Variants in MAMLD1 observed in about 807,000 individuals in gnomAD.
MAMLD1 encodes mastermind like domain containing 1, also known as mastermind-like domain-containing protein 1.
A neutral mutation model predicts 45.0 loss-of-function variants in MAMLD1; 14 were observed. The ratio of observed to expected loss-of-function variants is 0.31; its 90% confidence interval spans 0.21 to 0.49. The LOEUF is 0.49. Ranked by LOEUF, MAMLD1 falls within the 20% of genes least tolerant of loss-of-function variation. The probability of loss-of-function intolerance (pLI) is 0.99; values close to 1 mark genes in which losing one functional copy is unlikely to be tolerated. For synonymous variants in MAMLD1, 254 were observed against 247.8 expected (o/e 1.02, Z -0.24); for missense variants, 543 against 603.6 (o/e 0.90, Z 1.05).
chrX:150,507,252 C>T (rs1252537285), intron 6 of MAMLD1, among the ~76,000 whole-genome samples: 3 of 112,570 alleles, frequency 2.7e-5, no homozygotes, highest in African/African-American at 6.5e-5. Flanking sequence ...CTTTCAGGCA[C>T]GGTTTCCTCC....
chrX:150,480,701 A>C, intron 5 of MAMLD1, among the ~76,000 whole-genome samples: 1 of 112,438 alleles, frequency 8.9e-6, no homozygotes, highest in Non-Finnish European at 1.9e-5. Context: ...GCTAGGACTC[A>C]CACAGACGAA....
At chrX:150,430,029 T>C (rs1376233060) in intron 1 of MAMLD1, among the ~76,000 whole-genome samples, 2 of 82,704 alleles carry the variant, frequency 2.4e-5, no homozygotes, top group African/African-American at 8.7e-5. Flanking sequence ...CTTTTTTTTT[T>C]TTTTTTTTTT....
intron 1 of MAMLD1, among the ~76,000 whole-genome samples, chrX:150,442,049 A>ATTT (rs781870032): frequency 1.0e-5 from 1 of 95,559 alleles, no homozygotes; most frequent in African/African-American, 3.8e-5. Context: ...TGTCGCTGGT[A>ATTT]TTTTTTTTTT....
intron 5 of MAMLD1, among the ~76,000 whole-genome samples, chrX:150,489,796 A>G (rs2037122779): frequency 9.0e-6 from 1 of 110,546 alleles, no homozygotes; most frequent in Non-Finnish European, 1.9e-5. Flanking sequence ...TAGACATTCA[A>G]GGAATGTACT....
At chrX:150,478,974 T>A (rs6627558) in intron 5 of MAMLD1, among the ~76,000 whole-genome samples, 12,358 of 111,496 alleles carry the variant, frequency 0.11, 638 homozygotes, top group Non-Finnish European at 0.15. Context: ...TGTTTTAACC[T>A]CTCTAAATTG....
chrX:150,393,757 C>G (rs1220572190), intron 1 of MAMLD1, among the ~76,000 whole-genome samples: 1 of 111,949 alleles, frequency 8.9e-6, no homozygotes, highest in Non-Finnish European at 1.9e-5. Flanking sequence ...TCTGTTCAAG[C>G]CTTTGGCCCA....
chrX:150,500,115 G>A lies in MAMLD1; in HGVS notation c.2041-3159G>A, dbSNP rs782444562. ...AGGGATTTAGAGATGATTAAGACTT[G>A]GCCCAGCAAGAATGTTCAGTCAGCC... On this transcript the variant is annotated intron_variant, in intron 5 of 7. Transcript: ENST00000370401. Among the ~76,000 whole-genome samples, 4 of 112,133 alleles carry A rather than the reference G, an allele frequency of 3.6e-5. No homozygotes were observed. In the Admixed American group the frequency reaches 3.8e-4, roughly 11 times the overall value.
intron 6 of MAMLD1, among the ~76,000 whole-genome samples, chrX:150,508,972 G>C (rs1157654648): frequency 9.0e-6 from 1 of 111,654 alleles, no homozygotes; most frequent in Non-Finnish European, 1.9e-5. Context: ...AACTGGCTGA[G>C]GGTCTCAGAG....
intron 1 of MAMLD1, among the ~76,000 whole-genome samples, chrX:150,411,598 G>A (rs987058389): frequency 4.5e-5 from 5 of 112,019 alleles, no homozygotes; most frequent in Admixed American, 3.8e-4. Context: ...AGCTGAGGCC[G>A]CTTTAATGAA....
At chrX:150,450,841 G>T (rs1338158462) in intron 2 of MAMLD1, among the ~76,000 whole-genome samples, 3 of 112,497 alleles carry the variant, frequency 2.7e-5, no homozygotes, top group Non-Finnish European at 5.6e-5. Flanking sequence ...GAGCATTCTG[G>T]GTCAAGGGCT....
At chrX:150,391,178 G>A (rs782220994) in intron 1 of MAMLD1, among the ~76,000 whole-genome samples, 22 of 111,742 alleles carry the variant, frequency 2.0e-4, no homozygotes, top group African/African-American at 6.2e-4. Context: ...AGATCCCTCA[G>A]ATTCTTTAAT....
Position 150,405,021 on chromosome X carries a change from A to C in MAMLD1, c.-63-40433A>C, listed in dbSNP as rs183545937. 2.6e-3 allele frequency among the ~76,000 whole-genome samples: 290 copies of C among 112,484 alleles called. 3 individuals are homozygous for C. The highest frequency in any genetic ancestry group is 9.1e-3 in the African/African-American group (281 of 30,983). On this transcript the variant is annotated intron_variant, in intron 1 of 7. Coordinates refer to ENST00000370401, the MANE Select transcript of MAMLD1 (RefSeq NM_005491.5). ...GGTGTTTGTATGGACATACACTTTC[A>C]TTAGTCTTTGGCAAATACCCAGCAG...
intron 5 of MAMLD1, among the ~76,000 whole-genome samples, chrX:150,483,435 T>C (rs1557407435): frequency 8.9e-6 from 1 of 112,734 alleles, no homozygotes; most frequent in Non-Finnish European, 1.9e-5. Flanking sequence ...AATGAACCAA[T>C]GAATGAGCTG....
chrX:150,398,337 A>AGAAGAGGAAGAGGAAGAGGAAGAG (rs781831991), intron 1 of MAMLD1, among the ~76,000 whole-genome samples: 16 of 52,319 alleles, frequency 3.1e-4, no homozygotes, highest in African/African-American at 1.0e-3. Context: ...AAGAAGAAGA[A>AGAAGAGGAAGAGGAAGAGGAAGAG]GAAGAGGAAG....
At chrX:150,425,129 A>G (rs2034660601) in intron 1 of MAMLD1, among the ~76,000 whole-genome samples, 1 of 111,965 alleles carries the variant, frequency 8.9e-6, no homozygotes, top group Non-Finnish European at 1.9e-5. Context: ...CATTTTACTT[A>G]TCCACTTACC....
At chrX:150,429,767 A>T in intron 1 of MAMLD1, among the ~76,000 whole-genome samples, 1 of 110,784 alleles carries the variant, frequency 9.0e-6, no homozygotes, top group South Asian at 3.8e-4. Context: ...ACTGATTTCC[A>T]CCAGCAGTAA....
At chrX:150,456,996 G>A (rs1557405366) in intron 2 of MAMLD1, among the ~76,000 whole-genome samples, 1 of 112,837 alleles carries the variant, frequency 8.9e-6, no homozygotes, top group Non-Finnish European at 1.9e-5. Flanking sequence ...TCAAATGGCA[G>A]TGACCAGTGG....
upstream of MAMLD1, among the ~76,000 whole-genome samples, chrX:150,362,221 T>A (rs1223972935): frequency 9.0e-6 from 1 of 110,775 alleles, no homozygotes; most frequent in Non-Finnish European, 1.9e-5. Context: ...CCACTGCAGG[T>A]GAGTGCCCCT....
At chrX:150,365,885 A>G (rs1177614868) in intron 1 of MAMLD1, among the ~76,000 whole-genome samples, 1 of 112,658 alleles carries the variant, frequency 8.9e-6, no homozygotes, top group Non-Finnish European at 1.9e-5. Context: ...CTTTAGTTAG[A>G]TTGACCATTT....
Sources: gnomAD v4.1 joint callset for allele counts (sites outside exome capture counted in the v4.1 genomes callset) on GRCh38, gnomAD v4.1.1 for gene constraint, MANE v1.5 for transcripts, NCBI Gene and HGNC (gene_info 2026-07-23, HGNC 2026-07-21) for gene names.